EXOC4: variants seen among roughly 807,000 people sequenced by gnomAD.
EXOC4 encodes SEC8-like 1.
Under a neutral mutation model 107.2 loss-of-function variants are expected in EXOC4, and 71 were observed. That is an observed-to-expected ratio of 0.66 (90% CI 0.55 to 0.81). EXOC4 has a LOEUF of 0.81. Ranked by LOEUF, EXOC4 falls within the 30% of genes least tolerant of loss-of-function variation. EXOC4 has a pLI of 0.00. For synonymous variants in EXOC4, 456 were observed against 441.2 expected (o/e 1.03, Z -0.42); for missense variants, 1,108 against 1,189.6 (o/e 0.93, Z 1.01).
Position 133,764,606 on chromosome 7 carries a change from G to C in EXOC4, c.1515-52719G>C, listed in dbSNP as rs958542821. Reference sequence around the variant, plus strand: ...GAAGAGTGAATTAATTTCCTGTGAGGATTAGGAAACAAACTTTATATCTCA... The same window carrying C: ...GAAGAGTGAATTAATTTCCTGTGAGCATTAGGAAACAAACTTTATATCTCA... On this transcript the variant is annotated intron_variant, in intron 10 of 17. Transcript: ENST00000253861. 2.6e-5 allele frequency among the ~76,000 whole-genome samples: 4 copies of C among 152,132 alleles called. No homozygotes were observed. The South Asian group carries it at 8.3e-4, about 32-fold the overall frequency.
chr7:133,872,205 T>C (rs1187584479), intron 11 of EXOC4, among the ~76,000 whole-genome samples: 1 of 152,202 alleles, frequency 6.6e-6, no homozygotes, highest in Non-Finnish European at 1.5e-5. Flanking sequence ...TATATAATAT[T>C]AGCTTTTAGT....
At chr7:133,766,161 T>C (rs1217420186) in intron 10 of EXOC4, among the ~76,000 whole-genome samples, 1 of 151,974 alleles carries the variant, frequency 6.6e-6, no homozygotes, top group Non-Finnish European at 1.5e-5. Context: ...GAGGCTTGTA[T>C]TTAGAGTTTC....
chr7:133,725,049 A>G (rs1197520384), intron 10 of EXOC4, among the ~76,000 whole-genome samples: 2 of 152,250 alleles, frequency 1.3e-5, no homozygotes, highest in African/African-American at 4.8e-5. Flanking sequence ...CCTGAACAAT[A>G]GCACTTTCTG....
At chr7:133,353,168 T>A (rs1269863145) in intron 5 of EXOC4, among the ~76,000 whole-genome samples, 1 of 152,154 alleles carries the variant, frequency 6.6e-6, no homozygotes, top group Non-Finnish European at 1.5e-5. Context: ...TAGAAATAAT[T>A]GTCTTGTTGT....
At position 133,340,799 on chromosome 7, in the gene EXOC4, C is replaced by T. The variant is rs180994516; in HGVS notation, c.764-15531C>T. ...AACTTATCCATCTCCTGTAGGTTTT[C>T]TAGTTAATGCTCATAAAGGTGTTCA... is the stretch of plus-strand genomic sequence containing the variant. On this transcript the variant is annotated intron_variant, in intron 5 of 17. Transcript: ENST00000253861. Among the ~76,000 whole-genome samples, 19 of 152,082 alleles carry T rather than the reference C, an allele frequency of 1.2e-4. No homozygotes were observed. In the East Asian group the frequency reaches 3.7e-3, roughly 29 times the overall value.
chr7:133,719,113 T>C (rs1795054776), intron 10 of EXOC4, among the ~76,000 whole-genome samples: 1 of 152,306 alleles, frequency 6.6e-6, no homozygotes, highest in East Asian at 1.9e-4. Flanking sequence ...GTCTTTCTCA[T>C]GCTGTTCTCT....
At chr7:134,007,039 A>G (rs575228810) in intron 16 of EXOC4, among the ~76,000 whole-genome samples, 1 of 152,274 alleles carries the variant, frequency 6.6e-6, no homozygotes, top group African/African-American at 2.4e-5. Context: ...TTAATGTATG[A>G]TCTGCTTTTC....
Position 133,262,464 on chromosome 7 carries a change from ACT to A in EXOC4, c.86+9280_86+9281del, listed in dbSNP as rs1795176994. Among the ~76,000 whole-genome samples, 9 of 152,086 alleles carry A rather than the reference ACT, an allele frequency of 5.9e-5. No individual in the cohort carries two copies. In the South Asian group the frequency reaches 1.9e-3, roughly 32 times the overall value. ...GGAAAATTCTTGTATTATATTTGAC[ACT>A]CTTGGTAAGAAAATAAAATATTTCA... is the stretch of plus-strand genomic sequence containing the variant. On this transcript the variant is annotated intron_variant, in intron 1 of 17. Transcript: ENST00000253861.
intron 11 of EXOC4, among the ~76,000 whole-genome samples, chr7:133,894,163 CTTCATTTCA>C (rs1346435026): frequency 4.2e-4 from 39 of 93,614 alleles, no homozygotes; most frequent in African/African-American, 2.7e-3. Flanking sequence ...TCCCTTCTCG[CTTCATTTCA>C]TTCATTTCAT....
chr7:133,515,160 A>G (rs1263276949), intron 9 of EXOC4, among the ~76,000 whole-genome samples: 1 of 152,248 alleles, frequency 6.6e-6, no homozygotes, highest in Non-Finnish European at 1.5e-5. Context: ...TTAGATTATT[A>G]TACTGAGAGG....
At chr7:133,660,271 G>A (rs76269374) in intron 10 of EXOC4, among the ~76,000 whole-genome samples, 2,581 of 151,872 alleles carry the variant, frequency 0.017, 46 homozygotes, top group Non-Finnish European at 0.026. Flanking sequence ...ATAGACTGCA[G>A]AATGATTAAT....
At position 133,462,724 on chromosome 7, in the gene EXOC4, A is replaced by G. The variant is rs372002364; in HGVS notation, c.1183-12604A>G. Among the ~76,000 whole-genome samples, 9 of 152,286 alleles carry G rather than the reference A, an allele frequency of 5.9e-5. No homozygotes were observed. In the East Asian group the frequency reaches 1.4e-3, roughly 23 times the overall value. ...ACCTGATGTACAGCTAACATTCCCC[A>G]TACTTGATAAATGGAAGAGTAGTTA... is the stretch of plus-strand genomic sequence containing the variant. On this transcript the variant is annotated intron_variant, in intron 7 of 17. Transcript: ENST00000253861.
chr7:133,942,005 A>G (rs1800442399), intron 14 of EXOC4, among the ~76,000 whole-genome samples: 1 of 152,188 alleles, frequency 6.6e-6, no homozygotes, highest in African/African-American at 2.4e-5. Context: ...TCTCAGAACA[A>G]TATATGACCT....
At chr7:133,777,485 T>G (rs1214476809) in intron 10 of EXOC4, among the ~76,000 whole-genome samples, 4 of 152,204 alleles carry the variant, frequency 2.6e-5, no homozygotes, top group Non-Finnish European at 4.4e-5. Context: ...GAGGGTTATG[T>G]GAGAAGTTGC....
At chr7:133,820,632 A>G (rs751038799) in intron 11 of EXOC4, among the ~76,000 whole-genome samples, 2 of 152,376 alleles carry the variant, frequency 1.3e-5, no homozygotes, top group Non-Finnish European at 2.9e-5. Context: ...TACAGGAAGT[A>G]TAAAAATGTC....
At chr7:133,427,001 A>G (rs920583522) in intron 7 of EXOC4, among the ~76,000 whole-genome samples, 1 of 152,152 alleles carries the variant, frequency 6.6e-6, no homozygotes, top group South Asian at 2.1e-4. Flanking sequence ...CTAGTGCTCC[A>G]TACACTCTAA....
intron 10 of EXOC4, among the ~76,000 whole-genome samples, chr7:133,758,784 T>C (rs2151148192): frequency 6.6e-6 from 1 of 152,348 alleles, no homozygotes; most frequent in Non-Finnish European, 1.5e-5. Context: ...TCTTTATTAA[T>C]CTTTGAAGTT....
At chr7:133,570,498 G>C (rs1801000129) in intron 9 of EXOC4, among the ~76,000 whole-genome samples, 1 of 152,128 alleles carries the variant, frequency 6.6e-6, no homozygotes, top group African/African-American at 2.4e-5. Flanking sequence ...TGTGATTCTT[G>C]GGAAAAGTGC....
chr7:134,040,168 G>T (rs563582131), intron 17 of EXOC4, among the ~76,000 whole-genome samples: 1 of 152,256 alleles, frequency 6.6e-6, no homozygotes, highest in South Asian at 2.1e-4. Flanking sequence ...GCCATCCTTT[G>T]TGATGTAGAT....
Sources: gnomAD v4.1 joint callset for allele counts (sites outside exome capture counted in the v4.1 genomes callset) on GRCh38, gnomAD v4.1.1 for gene constraint, MANE v1.5 for transcripts, NCBI Gene and HGNC (gene_info 2026-07-23, HGNC 2026-07-21) for gene names.